BBOF1: variants seen among roughly 807,000 people sequenced by gnomAD.
BBOF1 encodes the protein basal body orientation factor 1.
A neutral mutation model predicts 68.0 loss-of-function variants in BBOF1; 62 were observed. That is an observed-to-expected ratio of 0.91 (90% confidence interval 0.74 to 1.13). The LOEUF (loss-of-function observed/expected upper bound fraction) is 1.13, where lower values mean the gene tolerates loss of function less well. Ranked by LOEUF, BBOF1 falls within the 50% of genes most tolerant of loss-of-function variation. BBOF1 has a pLI of 0.00. For synonymous variants in BBOF1, 208 were observed against 198.8 expected (o/e 1.05, Z -0.39); for missense variants, 534 against 600.1 (o/e 0.89, Z 1.15).
intron 9 of BBOF1, chr14:74,071,433 G>C: frequency 6.2e-7 from 1 of 1,614,130 alleles, no homozygotes; most frequent in Non-Finnish European, 8.5e-7. Context: ...CCATGTCTTT[G>C]GTGATGGATG....
At chr14:74,026,933 A>G (rs1477006125) in intron 2 of BBOF1, among the ~76,000 whole-genome samples, 1 of 125,514 alleles carries the variant, frequency 8.0e-6, no homozygotes, top group African/African-American at 3.1e-5. Flanking sequence ...TCAAAAGGAA[A>G]AAAAAAAAAT....
intron 11 of BBOF1, among the ~76,000 whole-genome samples, chr14:74,061,747 CAT>C (rs1316327030): frequency 2.6e-5 from 4 of 152,124 alleles, no homozygotes; most frequent in African/African-American, 7.2e-5. Flanking sequence ...TTACCTATAA[CAT>C]GTGAGCCCAA....
intron 11 of BBOF1, 66 bp downstream of exon 11, chr14:74,057,324 T>C (rs1287094136): frequency 6.2e-7 from 1 of 1,605,616 alleles, no homozygotes; most frequent in South Asian, 1.1e-5. Context: ...CGCTTCTTGC[T>C]AAATCACGGT....
intron 8 of BBOF1, among the ~76,000 whole-genome samples, chr14:74,052,064 C>CG (rs1360693560): frequency 6.6e-6 from 1 of 151,786 alleles, no homozygotes; most frequent in African/African-American, 2.4e-5. Context: ...ATCTGTAATA[C>CG]TACTACTGTT....
intron 9 of BBOF1, among the ~76,000 whole-genome samples, chr14:74,076,270 T>A (rs982873010): frequency 5.3e-5 from 8 of 152,222 alleles, no homozygotes; most frequent in African/African-American, 9.6e-5. Context: ...GGATAGATAA[T>A]ATTTGATGGA....
intron 3 of BBOF1, among the ~76,000 whole-genome samples, chr14:74,029,943 T>A (rs993940293): frequency 6.6e-6 from 1 of 152,166 alleles, no homozygotes; most frequent in African/African-American, 2.4e-5. Context: ...AAAGTCCTTA[T>A]TCTTACTGAT....
At chr14:74,039,964 G>A (rs953514211) in intron 4 of BBOF1, among the ~76,000 whole-genome samples, 1 of 152,052 alleles carries the variant, frequency 6.6e-6, no homozygotes, top group Non-Finnish European at 1.5e-5. Context: ...AATTTTTAAA[G>A]TCTTGTTAAT....
chr14:74,029,218 AG>A lies in BBOF1; in HGVS notation c.322del (p.Glu108LysfsTer21). 1 of 1,562,862 alleles carries A rather than the reference AG, an allele frequency of 6.4e-7. No individual in the cohort carries two copies. Among genetic ancestry groups the A allele is most frequent in the Non-Finnish European group, 8.7e-7 (1 of 1,151,438 alleles). ...CTGAAACAGCAATTAAATGAAACAA[AG>A]GAAAAAGCCCAAGAGGAGAAGGATA... ...EKLKQQLNET[K>X]EKAQEEKDKL... On this transcript the variant is annotated frameshift_variant, in exon 3 of 12. Transcript: ENST00000394009. LOFTEE classifies it high-confidence loss of function.
chr14:74,041,160 G>A lies in BBOF1; in HGVS notation c.576+515G>A, dbSNP rs778853144. 1.4e-3 allele frequency among the ~76,000 whole-genome samples: 211 copies of A among 152,108 alleles called. 7 individuals are homozygous for A. Among genetic ancestry groups the A allele is most frequent in the Non-Finnish European group, 4.0e-4 (27 of 68,024 alleles). ...CTCTACAAAAATACAAAAATCAGCC[G>A]GGCATGGTGGCACATGCCTGTAGTC... On this transcript the variant is annotated intron_variant, in intron 5 of 11. Transcript: ENST00000394009.
At chr14:74,035,290 A>C (rs11846445) in intron 4 of BBOF1, among the ~76,000 whole-genome samples, 78,785 of 151,826 alleles carry the variant, frequency 0.52, 21,124 homozygotes, top group East Asian at 0.89. Flanking sequence ...TAGTATAGCA[A>C]AGGCTTCAGT....
chr14:74,025,140 A>G (rs928932098), intron 2 of BBOF1, among the ~76,000 whole-genome samples: 2 of 152,186 alleles, frequency 1.3e-5, no homozygotes, highest in African/African-American at 4.8e-5. Context: ...ATTGTTCTAA[A>G]GTAAGTTTTT....
chr14:74,078,225 C>T (rs557207349), exon 10 of BBOF1: 3 of 456,046 alleles, frequency 6.6e-6, no homozygotes, highest in African/African-American at 6.0e-5. Context: ...ATGAGAACTT[C>T]TCAACTTCCT....
At chr14:74,064,617 C>A in intron 11 of BBOF1, 71 bp from the exon 12 acceptor site, 1 of 1,481,648 alleles carries the variant, frequency 6.7e-7, no homozygotes, top group Non-Finnish European at 9.4e-7. Flanking sequence ...TTCCTCAAAA[C>A]TTTGTTGCTT....
Position 74,065,241 on chromosome 14 carries a change from G to A in BBOF1, c.*542G>A. On this transcript the variant is annotated 3_prime_UTR_variant, in exon 12 of 12. Coordinates refer to ENST00000394009, the MANE Select transcript of BBOF1 (RefSeq NM_025057.3). The stretch of plus-strand genomic sequence containing the variant: ...CAGTGGCTCCATTGGTGGTGAAGAT[G>A]GCAGTTCCATTTCCATATGGGTTGT... 1.2e-6 allele frequency: 2 copies of A among 1,614,084 alleles called. No individual in the cohort carries two copies. Among genetic ancestry groups the A allele is most frequent in the Non-Finnish European group, 1.7e-6 (2 of 1,180,010 alleles).
chr14:74,077,969 G>A (rs535424921), intron 9 of BBOF1, among the ~76,000 whole-genome samples: 6 of 152,152 alleles, frequency 3.9e-5, no homozygotes, highest in South Asian at 2.1e-4. Context: ...ATAACGGCAC[G>A]GTGATTTCTG....
At chr14:74,020,088 A>T (rs970880793) in intron 1 of BBOF1, among the ~76,000 whole-genome samples, 2 of 152,262 alleles carry the variant, frequency 1.3e-5, no homozygotes, top group African/African-American at 4.8e-5. Context: ...GGGAAGTACC[A>T]AAAGAAAAAA....
In BBOF1 at chr14:74,022,929, A is replaced by C. The variant is rs2059335820; in HGVS notation, c.70A>C (p.Thr24Pro). Residue 24 changes from threonine to proline, a missense_variant, in exon 2 of 12, where the codon ACA (threonine) becomes CCA (proline). Transcript: ENST00000394009. ...KGKDTKKLIKTDESVVDRAKA... is the reference protein window; with the variant it reads ...KGKDTKKLIKPDESVVDRAKA... ...CTTCCCATGCAGGAAGTTAATAAAA[A>C]CAGATGAATCTGTGGTGGACAGAGC... is the stretch of plus-strand genomic sequence containing the variant. The C allele has an allele frequency of 1.2e-5, 19 of 1,607,200 alleles. No homozygotes were observed. Among genetic ancestry groups the C allele is most frequent in the Non-Finnish European group, 1.6e-5 (19 of 1,176,674 alleles).
chr14:74,045,468 C>T (rs537440387), intron 5 of BBOF1, among the ~76,000 whole-genome samples: 1 of 152,178 alleles, frequency 6.6e-6, no homozygotes, highest in East Asian at 1.9e-4. Context: ...TGCCACCACA[C>T]TGGGCTAATT....
At chr14:74,067,455 C>A (rs1566830446), downstream of BBOF1, 1 of 1,614,208 alleles carries the variant, frequency 6.2e-7, no homozygotes, top group East Asian at 2.2e-5. Flanking sequence ...ACAAGGACTG[C>A]TGTTGAAAGA....
Sources: gnomAD v4.1 joint callset for allele counts (sites outside exome capture counted in the v4.1 genomes callset) on GRCh38, gnomAD v4.1.1 for gene constraint, MANE v1.5 for transcripts, NCBI Gene and HGNC (gene_info 2026-07-23, HGNC 2026-07-21) for gene names.